The following LIN52 variants were observed in gnomAD, a reference collection of about 807,000 sequenced individuals.
LIN52 encodes protein lin-52 homolog.
Under a neutral mutation model 18.5 loss-of-function variants are expected in LIN52, and 4 were observed. That is an observed-to-expected ratio of 0.22 (90% CI 0.11 to 0.49). The LOEUF is 0.49. LIN52 is among the 20% of genes least tolerant of loss of function. The pLI is 0.97. For synonymous variants in LIN52, 34 were observed against 45.5 expected, an observed-to-expected ratio of 0.75 and a Z score of 1.02; for missense variants, 102 against 139.5, an observed-to-expected ratio of 0.73 and a Z score of 1.35.
chr14:74,184,450 T>C (rs1266571384), intron 5 of LIN52, among the ~76,000 whole-genome samples: 1 of 152,230 alleles, frequency 6.6e-6, no homozygotes, highest in Non-Finnish European at 1.5e-5. Flanking sequence ...TGTAAGCTGA[T>C]AGAGCTAGAT....
intron 5 of LIN52, among the ~76,000 whole-genome samples, chr14:74,191,924 C>A (rs965563949): frequency 6.6e-6 from 1 of 152,180 alleles, no homozygotes; most frequent in Non-Finnish European, 1.5e-5. Context: ...CGTGAGCCAC[C>A]GCGCCCGGCC....
intron 5 of LIN52, among the ~76,000 whole-genome samples, chr14:74,158,119 A>ATTT (rs373987542): frequency 0.046 from 5,183 of 112,062 alleles, 183 homozygotes; most frequent in African/African-American, 0.084. Context: ...ATATATATAT[A>ATTT]TATATATTTT....
intron 2 of LIN52, among the ~76,000 whole-genome samples, chr14:74,092,882 A>G (rs2060782781): frequency 6.6e-6 from 1 of 151,640 alleles, no homozygotes; most frequent in African/African-American, 2.4e-5. Context: ...GCACTATTGC[A>G]CTCGAGCCTG....
intron 5 of LIN52, among the ~76,000 whole-genome samples, chr14:74,150,117 AT>A (rs1240835610): frequency 6.6e-6 from 1 of 152,194 alleles, no homozygotes; most frequent in Admixed American, 6.5e-5. Context: ...ACTAAAACTG[AT>A]CATACCTCTA....
At chr14:74,103,423 TAAG>T (rs1566847560) in intron 5 of LIN52, among the ~76,000 whole-genome samples, 8 of 137,564 alleles carry the variant, frequency 5.8e-5, no homozygotes, top group Non-Finnish European at 7.7e-5. Context: ...GCACAAAATG[TAAG>T]ATTTTTTTTT....
chr14:74,115,146 A>G (rs2300190), intron 5 of LIN52, among the ~76,000 whole-genome samples: 34,193 of 152,174 alleles, frequency 0.22, 4,176 homozygotes, highest in South Asian at 0.46. Flanking sequence ...GATAATTCCC[A>G]TTAGGTATTA....
At chr14:74,164,075 G>A (rs1303468371) in intron 5 of LIN52, among the ~76,000 whole-genome samples, 2 of 151,540 alleles carry the variant, frequency 1.3e-5, no homozygotes, top group African/African-American at 4.9e-5. Context: ...TCCGCCTCCC[G>A]GGTTCACGCC....
At chr14:74,086,385 G>T (rs1281274719) in intron 1 of LIN52, among the ~76,000 whole-genome samples, 8 of 152,126 alleles carry the variant, frequency 5.3e-5, no homozygotes. Flanking sequence ...GGGCGTGGTG[G>T]TTCACACTTC....
At chr14:74,120,521 G>A (rs1035324760) in intron 5 of LIN52, among the ~76,000 whole-genome samples, 2 of 151,946 alleles carry the variant, frequency 1.3e-5, no homozygotes, top group African/African-American at 2.4e-5. Context: ...TTGGGAGGCC[G>A]AGGTGGGCAG....
At chr14:74,086,546 TG>T (rs1470096217) in intron 1 of LIN52, among the ~76,000 whole-genome samples, 1 of 151,460 alleles carries the variant, frequency 6.6e-6, no homozygotes, top group Non-Finnish European at 1.5e-5. Flanking sequence ...CCCAGCTACT[TG>T]GGGGGGCTGA....
At chr14:74,099,748 C>G (rs768221902) in intron 4 of LIN52, among the ~76,000 whole-genome samples, 1 of 151,916 alleles carries the variant, frequency 6.6e-6, no homozygotes, top group Non-Finnish European at 1.5e-5. Context: ...GAGATGAAAT[C>G]ACAGGGAGTC....
intron 5 of LIN52, among the ~76,000 whole-genome samples, chr14:74,124,353 A>G (rs2061015901): frequency 6.6e-6 from 1 of 152,230 alleles, no homozygotes; most frequent in African/African-American, 2.4e-5. Flanking sequence ...AGTGAATATG[A>G]ATAAATACTG....
chr14:74,090,759 A>G (rs1233449692), intron 1 of LIN52, among the ~76,000 whole-genome samples: 1 of 152,204 alleles, frequency 6.6e-6, no homozygotes, highest in Non-Finnish European at 1.5e-5. Flanking sequence ...AGTCAAATTT[A>G]GCAGTGGGGG....
At chr14:74,096,512 A>T (rs2060814298) in intron 3 of LIN52, among the ~76,000 whole-genome samples, 2 of 151,650 alleles carry the variant, frequency 1.3e-5, no homozygotes, top group South Asian at 2.1e-4. Context: ...TGTTTTTTTT[A>T]ATGTGAAAAA....
At chr14:74,160,851 G>C (rs773833934) in intron 5 of LIN52, among the ~76,000 whole-genome samples, 1 of 152,150 alleles carries the variant, frequency 6.6e-6, no homozygotes, top group Non-Finnish European at 1.5e-5. Context: ...ATCCTAGCTA[G>C]TTTTAATTAA....
chr14:74,091,553 G>A (rs986454805), intron 2 of LIN52, among the ~76,000 whole-genome samples: 3 of 151,906 alleles, frequency 2.0e-5, no homozygotes, highest in African/African-American at 7.3e-5. Flanking sequence ...AGGATCACCT[G>A]AGGTCAGGAG....
chr14:74,180,897 C>T (rs1047793295), intron 5 of LIN52, among the ~76,000 whole-genome samples: 2 of 151,796 alleles, frequency 1.3e-5, no homozygotes, highest in East Asian at 1.9e-4. Flanking sequence ...TCACTTGAGC[C>T]AAGGAGTTCA....
chr14:74,145,638 T>C (rs1322424058), intron 5 of LIN52, among the ~76,000 whole-genome samples: 2 of 152,218 alleles, frequency 1.3e-5, no homozygotes, highest in Non-Finnish European at 2.9e-5. Context: ...AAGTCAGAAG[T>C]ATTCAGAGGA....
intron 5 of LIN52, among the ~76,000 whole-genome samples, chr14:74,161,746 G>T (rs969727164): frequency 6.6e-6 from 1 of 152,200 alleles, no homozygotes; most frequent in Non-Finnish European, 1.5e-5. Flanking sequence ...AGAATCTTTG[G>T]GGGAGGGAGC....
Sources: allele counts gnomAD v4.1 joint callset (sites outside exome capture counted in the v4.1 genomes callset), GRCh38; gene constraint gnomAD v4.1.1; transcripts MANE v1.5; gene names NCBI Gene and HGNC (gene_info 2026-07-23, HGNC 2026-07-21).